LTBP1: variants seen among roughly 807,000 people sequenced by gnomAD.
LTBP1 encodes latent transforming growth factor beta binding protein 1, also known as latent-transforming growth factor beta-binding protein 1.
A neutral mutation model predicts 207.6 loss-of-function variants in LTBP1; 129 were observed. The ratio of observed to expected loss-of-function variants is 0.62; its 90% CI spans 0.54 to 0.72. The LOEUF is 0.72. Among genes scored for constraint, LTBP1 ranks in the 30% least tolerant of loss-of-function variants. The pLI is 0.00. For missense variants in LTBP1, 2,281 were observed against 2,217.2 expected (o/e 1.03, Z -0.58); for synonymous variants, 963 against 833.7 (o/e 1.16, Z -2.67).
chr2:33,092,965 G>C (rs1270380910), intron 3 of LTBP1, among the ~76,000 whole-genome samples: 1 of 152,106 alleles, frequency 6.6e-6, no homozygotes, highest in East Asian at 1.9e-4. Flanking sequence ...TCCTTTTAGG[G>C]GGAATGTTTC....
intron 1 of LTBP1, 108 bp downstream of exon 1, chr2:32,947,926 C>A: frequency 9.9e-7 from 1 of 1,008,080 alleles, no homozygotes; most frequent in Non-Finnish European, 1.3e-6. Flanking sequence ...AGGGCGGTCG[C>A]GCGCGGTGGG....
chr2:33,210,815 T>C (rs972115763), intron 7 of LTBP1, among the ~76,000 whole-genome samples: 2 of 152,250 alleles, frequency 1.3e-5, no homozygotes, highest in South Asian at 4.1e-4. Context: ...TCCATCTCTT[T>C]GGAATCTCTC....
At chr2:33,095,099 G>T (rs1022730263) in intron 3 of LTBP1, among the ~76,000 whole-genome samples, 4 of 152,008 alleles carry the variant, frequency 2.6e-5, no homozygotes, top group Non-Finnish European at 5.9e-5. Flanking sequence ...TTTAAAGCAA[G>T]AAAATATATA....
At chr2:33,228,075 G>A (rs745567258) in intron 9 of LTBP1, among the ~76,000 whole-genome samples, 2 of 152,020 alleles carry the variant, frequency 1.3e-5, no homozygotes, top group African/African-American at 2.4e-5. Flanking sequence ...AAAGTGCTGG[G>A]ATTACAGGCA....
intron 3 of LTBP1, among the ~76,000 whole-genome samples, chr2:33,050,891 G>T (rs1424354938): frequency 6.6e-6 from 1 of 151,998 alleles, no homozygotes; most frequent in South Asian, 2.1e-4. Context: ...GCATCACCAT[G>T]CCCAGCTAAT....
intron 15 of LTBP1, among the ~76,000 whole-genome samples, chr2:33,265,490 A>G (rs1573510606): frequency 6.6e-6 from 1 of 152,246 alleles, no homozygotes; most frequent in African/African-American, 2.4e-5. Flanking sequence ...TGTTACATCT[A>G]TACATTGGAA....
chr2:32,982,454 A>C (rs1682904689), intron 2 of LTBP1, among the ~76,000 whole-genome samples: 1 of 152,230 alleles, frequency 6.6e-6, no homozygotes, highest in African/African-American at 2.4e-5. Context: ...AAATTTGTGT[A>C]AGTAACAAGG....
chr2:33,011,393 A>G (rs1168396500), intron 2 of LTBP1, among the ~76,000 whole-genome samples: 1 of 152,136 alleles, frequency 6.6e-6, no homozygotes, highest in East Asian at 1.9e-4. Flanking sequence ...TCAGAATGTG[A>G]GTGTATTTGG....
intron 13 of LTBP1, among the ~76,000 whole-genome samples, chr2:33,261,294 T>A (rs1337059707): frequency 6.6e-6 from 1 of 152,246 alleles, no homozygotes; most frequent in East Asian, 1.9e-4. Context: ...CCTGGTCTGT[T>A]CCTTGTTGGC....
intron 2 of LTBP1, among the ~76,000 whole-genome samples, chr2:32,966,786 G>T (rs1195854541): frequency 6.6e-6 from 1 of 152,058 alleles, no homozygotes; most frequent in African/African-American, 2.4e-5. Context: ...CTAATATTTT[G>T]TTGAGGATTT....
chr2:33,379,225 T>G (rs2095183836), intron 31 of LTBP1, among the ~76,000 whole-genome samples: 2 of 144,190 alleles, frequency 1.4e-5, no homozygotes, highest in African/African-American at 5.2e-5. Flanking sequence ...TTTTTCTTTT[T>G]CCAAGACAGA....
chr2:33,116,024 G>T (rs1375678578), intron 4 of LTBP1, among the ~76,000 whole-genome samples: 2 of 152,116 alleles, frequency 1.3e-5, no homozygotes, highest in Admixed American at 1.3e-4. Flanking sequence ...TATCATCAGG[G>T]TTATAAGACA....
chr2:33,221,846 A>G (rs1215362814), intron 8 of LTBP1, among the ~76,000 whole-genome samples: 1 of 152,216 alleles, frequency 6.6e-6, no homozygotes, highest in Non-Finnish European at 1.5e-5. Context: ...GGATTGTTTC[A>G]GTTAACGTAA....
intron 9 of LTBP1, among the ~76,000 whole-genome samples, chr2:33,227,463 G>GTACC (rs2091504654): frequency 1.3e-5 from 2 of 152,068 alleles, no homozygotes; most frequent in Admixed American, 1.3e-4. Flanking sequence ...AGTTAACATA[G>GTACC]TACCTCTAAA....
intron 20 of LTBP1, among the ~76,000 whole-genome samples, chr2:33,296,749 G>C (rs1417100054): frequency 2.0e-5 from 3 of 151,926 alleles, no homozygotes; most frequent in Admixed American, 1.3e-4. Flanking sequence ...TTTAAAAAAA[G>C]GCAGCATATC....
intron 5 of LTBP1, among the ~76,000 whole-genome samples, chr2:33,156,347 A>G (rs1384183938): frequency 1.3e-5 from 2 of 152,172 alleles, no homozygotes; most frequent in African/African-American, 2.4e-5. Flanking sequence ...GGAAAAGACC[A>G]TATTCGTCGT....
chr2:33,278,193 A>C (rs984569884), intron 18 of LTBP1, among the ~76,000 whole-genome samples: 3 of 152,130 alleles, frequency 2.0e-5, no homozygotes, highest in African/African-American at 7.2e-5. Flanking sequence ...TACTTAAGTA[A>C]TAGGATGGAA....
intron 2 of LTBP1, among the ~76,000 whole-genome samples, chr2:32,952,552 A>G (rs1272249640): frequency 6.6e-6 from 1 of 152,210 alleles, no homozygotes; most frequent in African/African-American, 2.4e-5. Flanking sequence ...ATTAACACTT[A>G]AAGGAATGTT....
chr2:33,247,733 G>A lies in LTBP1; in HGVS notation c.1999+3949G>A, dbSNP rs192344639. On this transcript the variant is annotated intron_variant, in intron 10 of 33. Transcript: ENST00000404816. ...ACCTCATACAGCAGCCACTAGTCAT[G>A]TATGGCCTGTGTAACTGAGGAATTG... Among the ~76,000 whole-genome samples, 4 of 152,374 alleles carry A rather than the reference G, an allele frequency of 2.6e-5. 1 individual carries two copies. The highest frequency in any genetic ancestry group is 3.9e-4 in the East Asian group (2 of 5,188).
Sources: allele counts gnomAD v4.1 joint callset (sites outside exome capture counted in the v4.1 genomes callset), GRCh38; gene constraint gnomAD v4.1.1; transcripts MANE v1.5; gene names NCBI Gene and HGNC (gene_info 2026-07-23, HGNC 2026-07-21).